APTX: variants seen among roughly 807,000 people sequenced by gnomAD.
APTX encodes the protein aprataxin.
In APTX, 33 loss-of-function variants were observed where a neutral mutation model predicts 42.3. The ratio of observed to expected loss-of-function variants is 0.78; its 90% CI spans 0.59 to 1.04. The LOEUF (loss-of-function observed/expected upper bound fraction) is 1.04. Ranked by LOEUF, APTX falls within the 50% of genes least tolerant of loss-of-function variation. The pLI, the probability that APTX is intolerant of heterozygous loss-of-function variation, is 0.00. For missense variants in APTX, 421 were observed against 415.1 expected (o/e 1.01, Z -0.12); for synonymous variants, 130 against 146.7 (o/e 0.89, Z 0.82).
intron 1 of APTX, among the ~76,000 whole-genome samples, chr9:33,022,295 A>C (rs948471826): frequency 1.6e-4 from 25 of 152,356 alleles, no homozygotes; most frequent in Admixed American, 3.9e-4. Flanking sequence ...AGTTGACAGG[A>C]GAGTCAGTAA....
At chr9:32,978,903 T>C (rs1830065570) in intron 6 of APTX, among the ~76,000 whole-genome samples, 2 of 152,214 alleles carry the variant, frequency 1.3e-5, no homozygotes, top group South Asian at 4.1e-4. Context: ...GATATTCACT[T>C]TTTGATCCAT....
intron 1 of APTX, among the ~76,000 whole-genome samples, chr9:32,996,248 T>C (rs564077687): frequency 1.3e-5 from 2 of 151,240 alleles, no homozygotes; most frequent in East Asian, 2.0e-4. Flanking sequence ...AAGTATAATA[T>C]ACTGAACAGC....
intron 1 of APTX, among the ~76,000 whole-genome samples, chr9:33,022,891 A>C (rs1472995621): frequency 6.6e-6 from 1 of 152,120 alleles, no homozygotes; most frequent in Non-Finnish European, 1.5e-5. Context: ...GTCCAGGCTG[A>C]GGTTCAGTGG....
chr9:32,973,576 A>G lies in APTX; in HGVS notation c.951T>C (p.Leu317=), dbSNP rs1390409626. ...GCAGCTGCTGGCACTCATGACAACG[A>G]AGGGGCAGCTTCAAGAGCTCAGGCA... ...DGMPELLKLP[L]RCHECQQLLP... is the part of the protein sequence containing the mutation. Residue 317 remains leucine, a synonymous_variant, in exon 8 of 8, where the codon CTT becomes CTC. Coordinates refer to ENST00000379817, the MANE Select transcript of APTX (RefSeq NM_001195248.2). 6.2e-7 allele frequency: 1 copy of G among 1,613,866 alleles called. No homozygotes were observed. The highest frequency in any genetic ancestry group is 1.3e-5 in the African/African-American group (1 of 74,846).
At chr9:33,001,704 A>T, upstream of APTX, 1 of 1,502,688 alleles carries the variant, frequency 6.7e-7, no homozygotes, top group Non-Finnish European at 9.1e-7. Flanking sequence ...TGGCTGAAAG[A>T]ATCTTGCCCA....
intron 1 of APTX, among the ~76,000 whole-genome samples, chr9:33,020,830 T>C (rs1838313922): frequency 6.6e-6 from 1 of 152,222 alleles, no homozygotes; most frequent in Non-Finnish European, 1.5e-5. Flanking sequence ...CTTACGGCCA[T>C]GTGGTTATTG....
chr9:32,997,647 G>T (rs1835264408), intron 1 of APTX, among the ~76,000 whole-genome samples: 1 of 152,216 alleles, frequency 6.6e-6, no homozygotes, highest in East Asian at 1.9e-4. Flanking sequence ...ACACAAAGAA[G>T]AAATAGCACA....
At chr9:32,973,813 G>C in intron 7 of APTX, 161 bp from the exon 8 acceptor site, 1 of 889,970 alleles carries the variant, frequency 1.1e-6, no homozygotes, top group South Asian at 1.4e-5. Flanking sequence ...CAGGCAAAAT[G>C]AGCTTAATCA....
At chr9:33,003,045 G>A (rs879758326), upstream of APTX, among the ~76,000 whole-genome samples, 3 of 152,188 alleles carry the variant, frequency 2.0e-5, no homozygotes, top group Non-Finnish European at 2.9e-5. Flanking sequence ...GTTCACAACT[G>A]CCCAAGATAA....
intron 1 of APTX, 170 bp from the exon 2 acceptor site, chr9:32,990,065 G>A: frequency 1.4e-6 from 1 of 738,278 alleles, no homozygotes; most frequent in South Asian, 1.6e-5. Context: ...ATAATGATGG[G>A]ACTCAGGAGG....
At chr9:33,006,705 A>C (rs1182401679) in intron 1 of APTX, among the ~76,000 whole-genome samples, 1 of 152,126 alleles carries the variant, frequency 6.6e-6, no homozygotes, top group Non-Finnish European at 1.5e-5. Flanking sequence ...GAGGGCGTCA[A>C]GAAAGACCTA....
In APTX at chr9:32,986,051, A is replaced by AAC. The variant is rs1554664857; in HGVS notation, c.484-22_484-21insGT. ...GATTCCTAAAAAAAAAACAAAAAAA[A>AAC]AAACAAAAAAAAAAAAAAACAAGCA... On this transcript the variant is annotated intron_variant, in intron 4 of 7. Coordinates refer to ENST00000379817, the MANE Select transcript of APTX (RefSeq NM_001195248.2). 15 of 669,178 alleles carry AAC rather than the reference A, an allele frequency of 2.2e-5. No individual in the cohort carries two copies. The African/African-American group carries it at 3.4e-4, about 15-fold the overall frequency. 41.5% of individuals were successfully genotyped at this position (669,178 alleles called of 1,614,324 possible).
chr9:33,024,861 AGGGGGGGG>A (rs67524781), intron 1 of APTX: 1 of 54,790 alleles, frequency 1.8e-5, no homozygotes, highest in Non-Finnish European at 3.6e-5. Flanking sequence ...CGCCCGTAAG[AGGGGGGGG>A]GGGGGGGGCA....
chr9:33,019,588 T>C (rs190069291), intron 1 of APTX: 41 of 367,700 alleles, frequency 1.1e-4, no homozygotes, highest in African/African-American at 7.4e-4. Context: ...AGGCCGACCA[T>C]GAGGCCCTCC....
chr9:33,017,931 C>A (rs1005993938), intron 1 of APTX, among the ~76,000 whole-genome samples: 1 of 78,178 alleles, frequency 1.3e-5, no homozygotes, highest in South Asian at 5.5e-4. Context: ...AACCAGCGCC[C>A]CCCCCCCCCT....
chr9:32,974,005 C>G (rs892521696), intron 7 of APTX, among the ~76,000 whole-genome samples: 7 of 152,038 alleles, frequency 4.6e-5, no homozygotes, highest in African/African-American at 2.4e-5. Flanking sequence ...CCAGGAAATG[C>G]TTTCCTGGTG....
chr9:32,978,811 G>T (rs1325245956), intron 6 of APTX, among the ~76,000 whole-genome samples: 1 of 152,160 alleles, frequency 6.6e-6, no homozygotes, highest in Non-Finnish European at 1.5e-5. Context: ...CTACAAGCCA[G>T]ATGAGCACTG....
At position 32,981,037 on chromosome 9, in the gene APTX, C is replaced by T. The variant is rs145972210; in HGVS notation, c.770+3594G>A. Among the ~76,000 whole-genome samples, 664 of 152,242 alleles carry T rather than the reference C, an allele frequency of 4.4e-3. 6 individuals carry two copies. The highest frequency in any genetic ancestry group is 0.029 in the South Asian group (142 of 4,824). On this transcript the variant is annotated intron_variant, in intron 6 of 7. Coordinates refer to ENST00000379817, the MANE Select transcript of APTX (RefSeq NM_001195248.2). Reference sequence around the variant, plus strand: ...ATTACAAATGAATGAGGAAACCACACTAAATGGATTGAGGAAGAAAATATA... The same window carrying T: ...ATTACAAATGAATGAGGAAACCACATTAAATGGATTGAGGAAGAAAATATA...
In APTX at chr9:32,992,569, AGAGGAGCT is replaced by A. The variant is rs570343661; in HGVS notation, c.-4-2682_-4-2675del. On this transcript the variant is annotated intron_variant, in intron 1 of 7. Coordinates refer to ENST00000379817, the MANE Select transcript of APTX (RefSeq NM_001195248.2). The stretch of plus-strand genomic sequence containing the variant: ...AAAAGCAGACTTAGTTGGCTGAACC[AGAGGAGCT>A]GCCTCGGAGAGTCACAAAAAAAGAC... Among the ~76,000 whole-genome samples the A allele has an allele frequency of 2.2e-4, 33 of 152,388 alleles. No individual in the cohort carries two copies. In the South Asian group the frequency reaches 6.8e-3, roughly 32 times the overall value.
Sources: allele counts gnomAD v4.1 joint callset (sites outside exome capture counted in the v4.1 genomes callset), GRCh38; gene constraint gnomAD v4.1.1; transcripts MANE v1.5; gene names NCBI Gene and HGNC (gene_info 2026-07-23, HGNC 2026-07-21).